The following CDIN1 variants were observed in gnomAD, a reference collection of about 807,000 sequenced individuals.
CDIN1 encodes the protein CDAN1 interacting nuclease 1.
CDIN1 carries 33 observed loss-of-function variants against 45.3 expected under a neutral mutation model. The observed-to-expected ratio is 0.73, with a 90% CI of 0.55 to 0.97. CDIN1 has a LOEUF of 0.97. CDIN1 is among the 50% of genes least tolerant of loss of function. The probability of loss-of-function intolerance (pLI) is 0.00; values close to 1 mark genes in which losing one functional copy is unlikely to be tolerated. For synonymous variants in CDIN1, 118 were observed against 124.4 expected (o/e 0.95, Z 0.34); for missense variants, 303 against 339.4 (o/e 0.89, Z 0.84).
At chr15:36,601,425 A>G (rs570948624) in intron 1 of CDIN1, among the ~76,000 whole-genome samples, 2 of 152,314 alleles carry the variant, frequency 1.3e-5, no homozygotes, top group South Asian at 2.1e-4. Flanking sequence ...ACCATGTCCA[A>G]CAGGTACCTC....
At chr15:36,648,742 T>C (rs1329318807) in intron 3 of CDIN1, 1 of 152,258 alleles carries the variant, frequency 6.6e-6, no homozygotes, top group Non-Finnish European at 1.5e-5. Context: ...CAATGTTCTA[T>C]TATTGTAAAT....
chr15:36,654,791 A>G (rs1398813919), intron 4 of CDIN1, among the ~76,000 whole-genome samples: 1 of 152,210 alleles, frequency 6.6e-6, no homozygotes, highest in African/African-American at 2.4e-5. Flanking sequence ...CAGATTTCCC[A>G]TGAATGAAGA....
intron 10 of CDIN1, among the ~76,000 whole-genome samples, chr15:36,775,223 A>C (rs922424907): frequency 2.0e-5 from 3 of 152,270 alleles, no homozygotes; most frequent in African/African-American, 7.2e-5. Flanking sequence ...AACGGGAAGA[A>C]ACATGAATGA....
rs573380723 is a variant in CDIN1, at chr15:36,653,424, A to G, written c.213-674A>G. On this transcript the variant is annotated intron_variant, in intron 3 of 10. Transcript: ENST00000566621. ...ATTTAATGTGGGGCCTTGAAGTGTT[A>G]TAACAAGGGGAATGACACATTCAAA... Among the ~76,000 whole-genome samples the G allele has an allele frequency of 6.6e-5, 10 of 150,790 alleles. 1 individual carries two copies. In the Middle Eastern group the frequency reaches 0.024, roughly 359 times the overall value.
At position 36,579,906 on chromosome 15, in the gene CDIN1, G is replaced by A. The variant is rs201290666; in HGVS notation, c.46G>A (p.Val16Met). Reference sequence around the variant, plus strand: ...GTACGACGAGATAGCCCAGTGCCTAGTGTCTGTGCCGCCTACCAGGCAGAG... The same window carrying A: ...GTACGACGAGATAGCCCAGTGCCTAATGTCTGTGCCGCCTACCAGGCAGAG... ...AQYDEIAQCLVSVPPTRQSLR... is the reference protein window; with the variant it reads ...AQYDEIAQCLMSVPPTRQSLR... The change falls in exon 1 of 11, where the codon GTG (valine) becomes ATG (methionine). Residue 16 changes from valine (V) to methionine (M), a missense_variant. Val to Met is a conservative substitution (Grantham distance 21). Coordinates refer to ENST00000566621, the MANE Select transcript of CDIN1 (RefSeq NM_001321759.2). The A allele has an allele frequency of 1.8e-5, 29 of 1,614,000 alleles. No homozygotes were observed. The African/African-American group carries it at 3.5e-4, about 19-fold the overall frequency.
At chr15:36,685,633 T>G (rs1354592145) in intron 5 of CDIN1, among the ~76,000 whole-genome samples, 2 of 152,100 alleles carry the variant, frequency 1.3e-5, no homozygotes, top group Non-Finnish European at 2.9e-5. Context: ...ACCTACAAAA[T>G]GGGAGAAAAT....
chr15:36,783,675 G>A (rs1348502321), intron 10 of CDIN1, among the ~76,000 whole-genome samples: 5 of 152,132 alleles, frequency 3.3e-5, no homozygotes, highest in African/African-American at 1.2e-4. Flanking sequence ...GTAAACACGG[G>A]AAACGTAAGT....
At chr15:36,691,253 G>T (rs746801013) in intron 5 of CDIN1, 2 of 510,646 alleles carry the variant, frequency 3.9e-6, no homozygotes, top group Non-Finnish European at 7.8e-6. Flanking sequence ...TGTATATGAA[G>T]AGTTTAGTGA....
intron 10 of CDIN1, among the ~76,000 whole-genome samples, chr15:36,733,972 ATATAT>A (rs2043923837): frequency 6.6e-6 from 1 of 152,148 alleles, no homozygotes; most frequent in African/African-American, 2.4e-5. Context: ...CTTCATGTTA[ATATAT>A]TAATAGGGGT....
At chr15:36,710,240 AATAAGATGTGGTGT>A (rs1275025909) in intron 10 of CDIN1, among the ~76,000 whole-genome samples, 3 of 152,168 alleles carry the variant, frequency 2.0e-5, no homozygotes, top group African/African-American at 7.2e-5. Context: ...AAATACAGAT[AATAAGATGTGGTGT>A]ATATTACAGT....
intron 10 of CDIN1, among the ~76,000 whole-genome samples, chr15:36,713,462 A>G (rs1029906479): frequency 6.6e-6 from 1 of 152,152 alleles, no homozygotes; most frequent in Non-Finnish European, 1.5e-5. Flanking sequence ...TTGTTTTTTC[A>G]ATTTAGTGAT....
intron 1 of CDIN1, among the ~76,000 whole-genome samples, chr15:36,622,459 G>A (rs947464849): frequency 6.6e-6 from 1 of 152,204 alleles, no homozygotes; most frequent in African/African-American, 2.4e-5. Flanking sequence ...GTCATGGGGA[G>A]CAGGGCCCAG....
In CDIN1 at chr15:36,691,634, A is replaced by C. The variant is rs915951631; in HGVS notation, c.347-51A>C. ...AGATATATGTCACTCCTCATGTTGC[A>C]TTAAAAGTATGTTGACTATCTGCTA... On this transcript the variant is annotated intron_variant, in intron 5 of 10. Transcript: ENST00000566621. The C allele has an allele frequency of 3.3e-6, 4 of 1,209,698 alleles. No homozygotes were observed. In the Admixed American group the frequency reaches 8.0e-5, roughly 24 times the overall value. The allele number at this position is 1,209,698 out of a possible 1,614,324, so 74.9% of individuals were successfully genotyped here.
At chr15:36,697,274 C>G (rs1235632520) in intron 7 of CDIN1, 49 bp from the exon 8 acceptor site, 3 of 1,532,684 alleles carry the variant, frequency 2.0e-6, no homozygotes, top group Non-Finnish European at 1.8e-6. Context: ...TAGCGTTTTC[C>G]TGCTGGTATA....
chr15:36,711,661 A>G (rs973112707), intron 10 of CDIN1, among the ~76,000 whole-genome samples: 2 of 152,180 alleles, frequency 1.3e-5, no homozygotes, highest in Non-Finnish European at 2.9e-5. Flanking sequence ...GTTTGAATAT[A>G]TACTGGCTAA....
intron 8 of CDIN1, among the ~76,000 whole-genome samples, chr15:36,700,390 G>T (rs1355876087): frequency 6.6e-6 from 1 of 151,984 alleles, no homozygotes; most frequent in African/African-American, 2.4e-5. Flanking sequence ...TGATTGTCTC[G>T]ATAATGAAAA....
intron 1 of CDIN1, among the ~76,000 whole-genome samples, chr15:36,596,239 C>T (rs989413550): frequency 7.3e-5 from 11 of 151,068 alleles, no homozygotes; most frequent in Non-Finnish European, 1.2e-4. Flanking sequence ...CCCTAATTCC[C>T]TTTTCTCACA....
intron 3 of CDIN1, among the ~76,000 whole-genome samples, chr15:36,651,676 A>C (rs557472065): frequency 1.3e-5 from 2 of 152,248 alleles, no homozygotes; most frequent in East Asian, 3.9e-4. Flanking sequence ...TCGAGGGATC[A>C]GGGTTCTATT....
At position 36,788,834 on chromosome 15, in the gene CDIN1, T is replaced by G. The variant is rs142016428; in HGVS notation, c.717-19490T>G. ...GTTCACCAAAACTTTCCAGGGTTCC[T>G]TAGTAAACTCTGAACAAGAAATCAG... On this transcript the variant is annotated intron_variant, in intron 10 of 10. Transcript: ENST00000566621. 2.0e-3 allele frequency among the ~76,000 whole-genome samples: 306 copies of G among 152,302 alleles called. 1 individual carries two copies. Among genetic ancestry groups the G allele is most frequent in the African/African-American group, 7.1e-3 (294 of 41,570 alleles).
Sources: allele counts gnomAD v4.1 joint callset (sites outside exome capture counted in the v4.1 genomes callset), GRCh38; gene constraint gnomAD v4.1.1; transcripts MANE v1.5; gene names NCBI Gene and HGNC (gene_info 2026-07-23, HGNC 2026-07-21).